C2CD3: variants seen among roughly 807,000 people sequenced by gnomAD.
C2CD3 encodes C2 domain-containing protein 3.
C2CD3 carries 148 observed loss-of-function variants against 234.0 expected under a neutral mutation model. The ratio of observed to expected loss-of-function variants is 0.63; its 90% CI spans 0.55 to 0.72. The LOEUF (loss-of-function observed/expected upper bound fraction) is 0.72, where lower values mean the gene tolerates loss of function less well. C2CD3 is among the 30% of genes least tolerant of loss of function. The pLI, the probability that C2CD3 is intolerant of heterozygous loss-of-function variation, is 0.00. For synonymous variants in C2CD3, 1,000 were observed against 1,035.4 expected (o/e 0.97, Z 0.66); for missense variants, 2,577 against 2,811.5 (o/e 0.92, Z 1.89).
chr11:74,061,577 G>T (rs903011626), intron 24 of C2CD3, among the ~76,000 whole-genome samples: 4 of 152,180 alleles, frequency 2.6e-5, no homozygotes, highest in Non-Finnish European at 4.4e-5. Flanking sequence ...AATGCTGAGA[G>T]ATTTTTCTCA....
Position 74,139,833 on chromosome 11 carries a change from G to A in C2CD3, c.484-5C>T. On this transcript the variant is annotated splice_polypyrimidine_tract_variant and splice_region_variant and intron_variant, in intron 3 of 32. Transcript: ENST00000334126. ...AGGTTCCAGGGCAAGTGAGACCTAA[G>A]AGAGACAGGTAGTATATGAGAAATT... The A allele has an allele frequency of 1.3e-6, 2 of 1,569,660 alleles. No individual in the cohort carries two copies. The highest frequency in any genetic ancestry group is 1.8e-6 in the Non-Finnish European group (2 of 1,139,700).
At chr11:74,067,245 A>G (rs922038160) in intron 24 of C2CD3, among the ~76,000 whole-genome samples, 116 of 152,292 alleles carry the variant, frequency 7.6e-4, no homozygotes, top group African/African-American at 2.8e-3. Context: ...CTTGGGAAGG[A>G]GAACTGAAGA....
chr11:74,029,656 T>C (rs1038420976), intron 31 of C2CD3, among the ~76,000 whole-genome samples: 12 of 152,230 alleles, frequency 7.9e-5, no homozygotes, highest in Non-Finnish European at 1.8e-4. Context: ...CTGTGAGGTG[T>C]CAGGGCTGGC....
chr11:74,111,836 G>A (rs1956757340), intron 11 of C2CD3, among the ~76,000 whole-genome samples: 1 of 150,814 alleles, frequency 6.6e-6, no homozygotes, highest in Non-Finnish European at 1.5e-5. Flanking sequence ...TGTATTTTAT[G>A]TGTGGCCCAA....
In C2CD3 at chr11:74,109,165, C is replaced by T. The variant is rs1191310359; in HGVS notation, c.1844-13G>A. On this transcript the variant is annotated splice_polypyrimidine_tract_variant and intron_variant, in intron 11 of 32. Coordinates refer to ENST00000334126, the MANE Select transcript of C2CD3 (RefSeq NM_001286577.2). ...TGGAACTTCACCTCTGTAAGGAGAA[C>T]CAGACACACAGACATGTCACACCAC... is the stretch of plus-strand genomic sequence containing the variant. The T allele has an allele frequency of 7.0e-7, 1 of 1,427,832 alleles. No individual in the cohort carries two copies. The highest frequency in any genetic ancestry group is 1.3e-5 in the South Asian group (1 of 78,334). The allele number at this position is 1,427,832 out of a possible 1,614,324, so 88.4% of individuals were successfully genotyped here. A position where few individuals can be genotyped will look rare whatever the true frequency, so the allele number is the denominator to read the frequency against.
intron 24 of C2CD3, among the ~76,000 whole-genome samples, chr11:74,071,566 G>T (rs1052468232): frequency 6.6e-6 from 1 of 152,194 alleles, no homozygotes; most frequent in African/African-American, 2.4e-5. Flanking sequence ...TTTGTGAAAT[G>T]ATTATGTATT....
chr11:74,146,710 C>A (rs1055385547), intron 3 of C2CD3, among the ~76,000 whole-genome samples: 5 of 85,002 alleles, frequency 5.9e-5, no homozygotes, highest in Admixed American at 1.1e-4. Context: ...AAAAGTCAAA[C>A]CACACACACA....
Position 74,100,529 on chromosome 11 carries a change from A to G in C2CD3, c.2728T>C (p.Phe910Leu), listed in dbSNP as rs1275947843. 1.2e-5 allele frequency: 20 copies of G among 1,608,444 alleles called. No individual in the cohort carries two copies. Among genetic ancestry groups the G allele is most frequent in the Non-Finnish European group, 1.6e-5 (19 of 1,178,392 alleles). Residue 910 changes from phenylalanine (F) to leucine (L), a missense_variant, in exon 15 of 33, where the codon TTC becomes CTC. Coordinates refer to ENST00000334126, the MANE Select transcript of C2CD3 (RefSeq NM_001286577.2). Reference sequence around the variant, plus strand: ...ACTCCAAAAGGTCCTATTTACTTGAATGACATGTAAAACTGGTGGAGGGGA... The same window carrying G: ...ACTCCAAAAGGTCCTATTTACTTGAGTGACATGTAAAACTGGTGGAGGGGA... Reference protein sequence around the residue: ...KLPLHQFYMSFKDAKISRLLL... With the variant: ...KLPLHQFYMSLKDAKISRLLL...
At chr11:74,093,751 G>C in intron 18 of C2CD3, 65 bp downstream of exon 18, 1 of 1,307,690 alleles carries the variant, frequency 7.6e-7, no homozygotes, top group Non-Finnish European at 1.1e-6. Context: ...GGCTGGTTAG[G>C]AGTAGGATGC....
At position 74,113,768 on chromosome 11, in the gene C2CD3, T is replaced by C. The variant is rs748511422; in HGVS notation, c.1843+12A>G. ...GAATGTCTAAGGTGCAGAAAACCAGTGTGTCTCTTACTTCCATCTGTAATT... is the reference window on the plus strand; with the variant it reads ...GAATGTCTAAGGTGCAGAAAACCAGCGTGTCTCTTACTTCCATCTGTAATT... On this transcript the variant is annotated intron_variant, in intron 11 of 32. Transcript: ENST00000334126. 6.9e-7 allele frequency: 1 copy of C among 1,448,806 alleles called. No individual in the cohort carries two copies. The highest frequency in any genetic ancestry group is 9.7e-7 in the Non-Finnish European group (1 of 1,030,316). The allele number at this position is 1,448,806 out of a possible 1,614,324, so 89.7% of individuals were successfully genotyped here. A position where few individuals can be genotyped will look rare whatever the true frequency, so the allele number is the denominator to read the frequency against.
chr11:74,015,047 A>G (rs1055309798), intron 32 of C2CD3, among the ~76,000 whole-genome samples: 2 of 152,242 alleles, frequency 1.3e-5, no homozygotes, highest in Non-Finnish European at 1.5e-5. Flanking sequence ...TGGTGTTTGC[A>G]GTTCTTCCTT....
chr11:74,150,428 C>A (rs1393710826), intron 3 of C2CD3, among the ~76,000 whole-genome samples: 1 of 131,904 alleles, frequency 7.6e-6, no homozygotes, highest in Non-Finnish European at 1.5e-5. Context: ...GCAGAGGTTG[C>A]AGTGAGCTTA....
chr11:74,095,495 T>A, intron 16 of C2CD3, 87 bp from the exon 17 acceptor site: 1 of 993,754 alleles, frequency 1.0e-6, no homozygotes, highest in Non-Finnish European at 1.5e-6. Flanking sequence ...TGAGTATAGA[T>A]AAAGAGATAA....
At chr11:74,104,385 A>G (rs1956432221) in intron 13 of C2CD3, among the ~76,000 whole-genome samples, 1 of 152,192 alleles carries the variant, frequency 6.6e-6, no homozygotes, top group East Asian at 1.9e-4. Flanking sequence ...TTGTAACTCT[A>G]GAGTATTATG....
intron 4 of C2CD3, 127 bp downstream of exon 4, chr11:74,139,478 T>C: frequency 2.6e-6 from 2 of 765,396 alleles, no homozygotes; most frequent in African/African-American, 1.7e-5. Context: ...GCTTCACAGT[T>C]ATCTGCTAAA....
At chr11:74,170,002 C>G (rs992415922) in intron 1 of C2CD3, among the ~76,000 whole-genome samples, 4 of 152,142 alleles carry the variant, frequency 2.6e-5, no homozygotes, top group Admixed American at 6.5e-5. Context: ...TGTAGAGATT[C>G]AATGTCAAGT....
chr11:74,024,043 G>A (rs549272052), intron 32 of C2CD3, among the ~76,000 whole-genome samples: 165 of 152,254 alleles, frequency 1.1e-3, no homozygotes, highest in African/African-American at 3.7e-3. Context: ...AGATCTTTAT[G>A]TTCCTCCTCC....
At chr11:74,110,586 A>AAT (rs1956706952) in intron 11 of C2CD3, 1 of 152,248 alleles carries the variant, frequency 6.6e-6, no homozygotes, top group African/African-American at 2.4e-5. Flanking sequence ...GAACTGAGGT[A>AAT]ATAAAGGAAA....
At chr11:74,160,612 A>G (rs867215717) in intron 3 of C2CD3, among the ~76,000 whole-genome samples, 1 of 152,138 alleles carries the variant, frequency 6.6e-6, no homozygotes, top group South Asian at 2.1e-4. Flanking sequence ...GAGGATGGAG[A>G]GAGGTTGGTC....
Sources: gnomAD v4.1 joint callset for allele counts (sites outside exome capture counted in the v4.1 genomes callset) on GRCh38, gnomAD v4.1.1 for gene constraint, MANE v1.5 for transcripts, NCBI Gene and HGNC (gene_info 2026-07-23, HGNC 2026-07-21) for gene names.